KIRREL3: variants seen among roughly 807,000 people sequenced by gnomAD.
KIRREL3 encodes kirre like nephrin family adhesion molecule 3.
Under a neutral mutation model 89.7 loss-of-function variants are expected in KIRREL3, and 36 were observed. That is an observed-to-expected ratio of 0.40 (90% CI 0.31 to 0.53). The LOEUF (loss-of-function observed/expected upper bound fraction) is 0.53, where lower values mean the gene tolerates loss of function less well. KIRREL3 is among the 20% of genes least tolerant of loss of function. The probability of loss-of-function intolerance (pLI) is 0.49; values close to 1 mark genes in which losing one functional copy is unlikely to be tolerated. For synonymous variants in KIRREL3, 445 were observed against 441.4 expected (o/e 1.01, Z -0.10); for missense variants, 864 against 1,056.6 (o/e 0.82, Z 2.53).
rs1191546426 is a variant in KIRREL3 at position 126,990,767 on chromosome 11, C to T, written c.55+9688G>A. Among the ~76,000 whole-genome samples the T allele has an allele frequency of 6.6e-6, 1 of 152,234 alleles. No individual in the cohort carries two copies. Among genetic ancestry groups the T allele is most frequent in the East Asian group, 1.9e-4 (1 of 5,194 alleles). On this transcript the variant is annotated intron_variant, in intron 1 of 16. Transcript: ENST00000525144. The surrounding 1 kb of genome is among the most constrained non-coding windows in gnomAD (Gnocchi z 6.3). ...TGAATGTGGGGTGGACCCCAGCGTC[C>T]TCTAGCAAGACGCAGAAAAAGTGCA...
intron 1 of KIRREL3, among the ~76,000 whole-genome samples, chr11:126,835,757 C>G (rs1367826858): frequency 1.3e-5 from 2 of 152,130 alleles, no homozygotes; most frequent in Non-Finnish European, 2.9e-5. Context: ...TTTGCCAGTA[C>G]CTTTGCTAGT....
chr11:126,570,697 C>T lies in KIRREL3; in HGVS notation c.56-7785G>A, dbSNP rs372423572. Among the ~76,000 whole-genome samples, 3 of 152,202 alleles carry T rather than the reference C, an allele frequency of 2.0e-5. No homozygotes were observed. Among genetic ancestry groups the T allele is most frequent in the South Asian group, 2.1e-4 (1 of 4,830 alleles). ...CATTATTTGGCTGGCATAGCTCTAT[C>T]CCCCATGCGGCCAAGGCAGGCATTA... On this transcript the variant is annotated intron_variant, in intron 1 of 16. Transcript: ENST00000525144. This position sits in a 1 kb window ranked among gnomAD's most constrained non-coding sequence, Gnocchi z 6.1.
chr11:126,942,538 C>T (rs1371791476), intron 1 of KIRREL3, among the ~76,000 whole-genome samples: 4 of 152,154 alleles, frequency 2.6e-5, no homozygotes, highest in African/African-American at 7.2e-5. Flanking sequence ...AGGTCCATGT[C>T]GTCCCTGGCT....
At chr11:126,831,228 A>G (rs549682655) in intron 1 of KIRREL3, among the ~76,000 whole-genome samples, 1 of 152,178 alleles carries the variant, frequency 6.6e-6, no homozygotes, top group African/African-American at 2.4e-5. Flanking sequence ...TGAGGTCACT[A>G]TTATCCCACC....
At chr11:126,665,361 C>G (rs780605455) in intron 1 of KIRREL3, among the ~76,000 whole-genome samples, 2 of 152,090 alleles carry the variant, frequency 1.3e-5, no homozygotes, top group Admixed American at 6.5e-5. Context: ...TGGCTCTTTG[C>G]CAGGTGTGTG....
intron 1 of KIRREL3, among the ~76,000 whole-genome samples, chr11:126,672,735 G>A (rs1399794680): frequency 6.6e-6 from 1 of 152,184 alleles, no homozygotes; most frequent in East Asian, 1.9e-4. Flanking sequence ...AGCTCTGAGA[G>A]TACATAGGGA....
At chr11:126,757,279 A>T (rs1282076281) in intron 1 of KIRREL3, among the ~76,000 whole-genome samples, 1 of 152,058 alleles carries the variant, frequency 6.6e-6, no homozygotes, top group African/African-American at 2.4e-5. Flanking sequence ...AGATGATTAC[A>T]AAGGGAATTG....
intron 1 of KIRREL3, among the ~76,000 whole-genome samples, chr11:126,949,532 A>G (rs1948717713): frequency 6.6e-6 from 1 of 152,210 alleles, no homozygotes; most frequent in South Asian, 2.1e-4. Context: ...CAGGCTGCTA[A>G]GCTTTTTGCC....
At chr11:126,456,789 G>C (rs747029850) in intron 6 of KIRREL3, among the ~76,000 whole-genome samples, 19 of 152,172 alleles carry the variant, frequency 1.2e-4, no homozygotes, top group Non-Finnish European at 2.2e-4. Context: ...AGGGGTGCAG[G>C]GCAGAGAGGG....
chr11:126,577,592 C>A (rs1026806677), intron 1 of KIRREL3, among the ~76,000 whole-genome samples: 370 of 115,808 alleles, frequency 3.2e-3, no homozygotes, highest in Non-Finnish European at 3.5e-3. Context: ...ACTAAAAATA[C>A]AAAAAAAAAA....
rs1958781091 is a variant in KIRREL3, at chr11:126,526,922, C to A, written c.134-235G>T. On this transcript the variant is annotated intron_variant, in intron 2 of 16. Coordinates refer to ENST00000525144, the MANE Select transcript of KIRREL3 (RefSeq NM_032531.4). The surrounding 1 kb of genome is among the most constrained non-coding windows in gnomAD (Gnocchi z 5.7). ...CCCCTCTGCCCATCAGTCCCTAACA[C>A]ATGGACTGGTCTAGCCACACCCCAG... Among the ~76,000 whole-genome samples the A allele has an allele frequency of 6.6e-6, 1 of 152,222 alleles. No individual in the cohort carries two copies. The highest frequency in any genetic ancestry group is 1.5e-5 in the Non-Finnish European group (1 of 68,032).
Position 126,528,005 on chromosome 11 carries a change from C to T in KIRREL3, c.134-1318G>A, listed in dbSNP as rs551369248. Reference sequence around the variant, plus strand: ...CCCTCCTGTAATCCACTTAATTATACTTCAGGGCAGAAAAAGCCCCACTTT... The same window carrying T: ...CCCTCCTGTAATCCACTTAATTATATTTCAGGGCAGAAAAAGCCCCACTTT... On this transcript the variant is annotated intron_variant, in intron 2 of 16. Coordinates refer to ENST00000525144, the MANE Select transcript of KIRREL3 (RefSeq NM_032531.4). This position sits in a 1 kb window ranked among gnomAD's most constrained non-coding sequence, Gnocchi z 4.6. Among the ~76,000 whole-genome samples, 3 of 152,320 alleles carry T rather than the reference C, an allele frequency of 2.0e-5. No individual in the cohort carries two copies. The highest frequency in any genetic ancestry group is 6.5e-5 in the Admixed American group (1 of 15,304).
chr11:126,865,675 C>G (rs763547192), intron 1 of KIRREL3, among the ~76,000 whole-genome samples: 2 of 152,180 alleles, frequency 1.3e-5, no homozygotes, highest in Admixed American at 6.5e-5. Flanking sequence ...GTACAGGACC[C>G]TGAGGGATCG....
At position 126,431,003 on chromosome 11, in the gene KIRREL3, G is replaced by C. The variant is rs1409207049; in HGVS notation, c.1696+416C>G. The C allele has an allele frequency of 9.7e-6, 11 of 1,133,340 alleles. No individual in the cohort carries two copies. The highest frequency in any genetic ancestry group is 1.2e-5 in the Non-Finnish European group (11 of 924,600). The allele number at this position is 1,133,340 out of a possible 1,614,324, so 70.2% of individuals were successfully genotyped here. A position where few individuals can be genotyped will look rare whatever the true frequency, so the allele number is the denominator to read the frequency against. On this transcript the variant is annotated intron_variant, in intron 14 of 16. Transcript: ENST00000525144. This position sits in a 1 kb window ranked among gnomAD's most constrained non-coding sequence, Gnocchi z 7.1. ...CCCACTCCCCCACAGCTGTGTGAGTGACCTGCTTTTCTGGTGAGACTAGCA... is the reference window on the plus strand; with the variant it reads ...CCCACTCCCCCACAGCTGTGTGAGTCACCTGCTTTTCTGGTGAGACTAGCA...
intron 1 of KIRREL3, among the ~76,000 whole-genome samples, chr11:126,718,402 G>T (rs554482768): frequency 6.6e-5 from 10 of 152,340 alleles, no homozygotes; most frequent in African/African-American, 2.4e-4. Context: ...GCCATAGAAA[G>T]ATGACTCACC....
rs119462980 is a variant in KIRREL3, at chr11:126,424,726, C to A, written c.2191G>T (p.Val731Phe). The A allele has an allele frequency of 5.6e-6, 9 of 1,613,930 alleles. No individual in the cohort carries two copies. The highest frequency in any genetic ancestry group is 1.3e-5 in the African/African-American group (1 of 74,946). ...SFLDTQCDSS[V>F]SSSGKQDGYV... ...CCATCCTGCTTGCCGCTGCTGCTGACGCTGCTGTCACACTGCGTGTCCAGG... is the reference window on the plus strand; with the variant it reads ...CCATCCTGCTTGCCGCTGCTGCTGAAGCTGCTGTCACACTGCGTGTCCAGG... The change falls in exon 17 of 17, where the codon GTC (valine) becomes TTC (phenylalanine). Residue 731 changes from valine to phenylalanine, a missense_variant. Physicochemically the swap from Val to Phe is conservative, Grantham distance 50 (BLOSUM62 -1). Transcript: ENST00000525144.
In KIRREL3 at chr11:126,983,195, A is replaced by C. The variant is rs899995014; in HGVS notation, c.55+17260T>G. Among the ~76,000 whole-genome samples, 1 of 152,212 alleles carries C rather than the reference A, an allele frequency of 6.6e-6. No homozygotes were observed. The highest frequency in any genetic ancestry group is 1.5e-5 in the Non-Finnish European group (1 of 68,034). ...CTACTTGTAGGTACAATATTATAATAACCATTTTGTACTAAGCACCTATTA... is the reference window on the plus strand; with the variant it reads ...CTACTTGTAGGTACAATATTATAATCACCATTTTGTACTAAGCACCTATTA... On this transcript the variant is annotated intron_variant, in intron 1 of 16. Coordinates refer to ENST00000525144, the MANE Select transcript of KIRREL3 (RefSeq NM_032531.4). The surrounding 1 kb of genome is among the most constrained non-coding windows in gnomAD (Gnocchi z 4.9).
chr11:126,658,935 C>G (rs1945274959), intron 1 of KIRREL3, among the ~76,000 whole-genome samples: 1 of 152,162 alleles, frequency 6.6e-6, no homozygotes, highest in African/African-American at 2.4e-5. Flanking sequence ...AAGTGACAAC[C>G]CCATTTTAGG....
At chr11:126,505,863 G>A (rs776958121) in intron 4 of KIRREL3, among the ~76,000 whole-genome samples, 9 of 152,184 alleles carry the variant, frequency 5.9e-5, no homozygotes, top group Non-Finnish European at 1.2e-4. Flanking sequence ...ATATTGTTAA[G>A]GTGGCAATTA....
Sources: gnomAD v4.1 joint callset for allele counts (sites outside exome capture counted in the v4.1 genomes callset) on GRCh38, gnomAD v4.1.1 for gene constraint, Gnocchi (gnomAD v3.1) non-coding constraint, MANE v1.5 for transcripts, NCBI Gene and HGNC (gene_info 2026-07-23, HGNC 2026-07-21) for gene names.